Variants in SLC35F4 observed in about 807,000 individuals in gnomAD.
SLC35F4 encodes the protein solute carrier family 35 member F4, also known as chromosome 14 open reading frame 36.
SLC35F4 carries 24 observed loss-of-function variants against 44.2 expected under a neutral mutation model. That is an observed-to-expected ratio of 0.54 (90% CI 0.39 to 0.76). The LOEUF (loss-of-function observed/expected upper bound fraction) is 0.76, where lower values mean the gene tolerates loss of function less well. SLC35F4 is among the 30% of genes least tolerant of loss of function. The probability of loss-of-function intolerance (pLI) is 0.00; values close to 1 mark genes in which losing one functional copy is unlikely to be tolerated. For synonymous variants in SLC35F4, 238 were observed against 223.6 expected, an observed-to-expected ratio of 1.06 and a Z score of -0.57; for missense variants, 562 against 586.1, an observed-to-expected ratio of 0.96 and a Z score of 0.42.
intron 3 of SLC35F4, among the ~76,000 whole-genome samples, chr14:57,586,794 T>G (rs1032818705): frequency 8.6e-5 from 12 of 139,184 alleles, no homozygotes; most frequent in African/African-American, 3.2e-4. Flanking sequence ...AAAGCCATAA[T>G]TGACAGATGG....
In SLC35F4 at chr14:57,620,297, C is replaced by T. The variant is rs183879215; in HGVS notation, c.104-26173G>A. Among the ~76,000 whole-genome samples the T allele has an allele frequency of 5.2e-3, 793 of 152,242 alleles. 6 individuals carry two copies. The highest frequency in any genetic ancestry group is 0.018 in the African/African-American group (742 of 41,534). ...GTTAAGGGCAGCCAGAGAGAAAGGT[C>T]GGGTTACACACAAAGGGAAGCCCAT... is the stretch of plus-strand genomic sequence containing the variant. On this transcript the variant is annotated intron_variant, in intron 1 of 7. Coordinates refer to ENST00000556826, the MANE Select transcript of SLC35F4 (RefSeq NM_001306087.2).
At chr14:57,636,860 A>G (rs1173266798) in intron 1 of SLC35F4, among the ~76,000 whole-genome samples, 1 of 152,092 alleles carries the variant, frequency 6.6e-6, no homozygotes, top group Non-Finnish European at 1.5e-5. Context: ...TTTTTAATGA[A>G]CCACCTAGGC....
intron 1 of SLC35F4, among the ~76,000 whole-genome samples, chr14:57,716,295 C>T (rs958953377): frequency 6.7e-6 from 1 of 149,288 alleles, no homozygotes; most frequent in African/African-American, 2.5e-5. Flanking sequence ...CTCATTTTCA[C>T]TTTTTTTTTT....
At chr14:57,862,844 T>C (rs1252256919) in intron 1 of SLC35F4, among the ~76,000 whole-genome samples, 1 of 152,224 alleles carries the variant, frequency 6.6e-6, no homozygotes, top group Non-Finnish European at 1.5e-5. Flanking sequence ...TTTATGTACT[T>C]GTTTATTTCT....
chr14:57,732,261 G>C (rs1164619981), intron 1 of SLC35F4, among the ~76,000 whole-genome samples: 1 of 152,116 alleles, frequency 6.6e-6, no homozygotes, highest in Non-Finnish European at 1.5e-5. Flanking sequence ...TCTGTACTAT[G>C]CCCATGACTG....
At chr14:57,626,604 T>C (rs2072486239) in intron 1 of SLC35F4, among the ~76,000 whole-genome samples, 1 of 152,058 alleles carries the variant, frequency 6.6e-6, no homozygotes, top group Admixed American at 6.6e-5. Context: ...CAACAAGGAA[T>C]CCATGTCCCC....
At chr14:57,616,053 A>G (rs2071799475) in intron 1 of SLC35F4, among the ~76,000 whole-genome samples, 1 of 152,232 alleles carries the variant, frequency 6.6e-6, no homozygotes, top group Non-Finnish European at 1.5e-5. Context: ...ATGTTTTTAT[A>G]GTGACAAACT....
chr14:57,706,569 G>C (rs2075681878), intron 1 of SLC35F4, among the ~76,000 whole-genome samples: 2 of 152,158 alleles, frequency 1.3e-5, no homozygotes, highest in African/African-American at 4.8e-5. Context: ...GATGCTATTT[G>C]AGCATATAAC....
intron 1 of SLC35F4, among the ~76,000 whole-genome samples, chr14:57,659,236 C>T (rs981143550): frequency 2.0e-5 from 3 of 152,036 alleles, no homozygotes; most frequent in Admixed American, 2.0e-4. Flanking sequence ...TAGTTGGTCA[C>T]ATGTGAAAAG....
At chr14:57,866,979 A>G (rs1888182733), upstream of SLC35F4, among the ~76,000 whole-genome samples, 1 of 147,086 alleles carries the variant, frequency 6.8e-6, no homozygotes, top group African/African-American at 2.5e-5. Flanking sequence ...TAATAATAAT[A>G]ATAATAATAA....
Position 57,728,949 on chromosome 14 carries a change from T to G in SLC35F4, c.104-134825A>C, listed in dbSNP as rs1323819054. Among the ~76,000 whole-genome samples, 66 of 152,302 alleles carry G rather than the reference T, an allele frequency of 4.3e-4. 1 individual carries two copies. Among genetic ancestry groups the G allele is most frequent in the Admixed American group, 4.3e-3 (66 of 15,288 alleles). ...AGATACATTATTCTAGGGTAAAAGTTTTTTCCTTCAGCACTTTAAATATGT... is the reference window on the plus strand; with the variant it reads ...AGATACATTATTCTAGGGTAAAAGTGTTTTCCTTCAGCACTTTAAATATGT... On this transcript the variant is annotated intron_variant, in intron 1 of 7. Coordinates refer to ENST00000556826, the MANE Select transcript of SLC35F4 (RefSeq NM_001306087.2).
chr14:57,630,362 C>T (rs2072708307), intron 1 of SLC35F4: 2 of 610,860 alleles, frequency 3.3e-6, no homozygotes, highest in South Asian at 3.3e-5. Flanking sequence ...GAAGACCACA[C>T]ATAGCAGAAG....
At chr14:57,784,119 T>C (rs2077697692) in intron 1 of SLC35F4, among the ~76,000 whole-genome samples, 1 of 152,138 alleles carries the variant, frequency 6.6e-6, no homozygotes. Context: ...TTTCAAGATG[T>C]GTGTATTGGA....
intron 1 of SLC35F4, among the ~76,000 whole-genome samples, chr14:57,937,615 GAAAA>G (rs1566505716): frequency 1.2e-4 from 12 of 101,230 alleles, no homozygotes; most frequent in Non-Finnish European, 2.2e-4. Flanking sequence ...GAAAAGAAAA[GAAAA>G]GAAAAGAAAA....
intron 1 of SLC35F4, among the ~76,000 whole-genome samples, chr14:57,762,119 G>A (rs1440640648): frequency 1.3e-5 from 2 of 152,044 alleles, no homozygotes; most frequent in Admixed American, 1.3e-4. Flanking sequence ...CAAAGTCTTG[G>A]GCAAGAGCAT....
At chr14:57,606,831 T>G (rs1293576279) in intron 1 of SLC35F4, among the ~76,000 whole-genome samples, 1 of 152,212 alleles carries the variant, frequency 6.6e-6, no homozygotes, top group Non-Finnish European at 1.5e-5. Flanking sequence ...TAAGGCAGTC[T>G]CATAATCCAT....
intron 1 of SLC35F4, among the ~76,000 whole-genome samples, chr14:57,815,179 C>G (rs1882423389): frequency 6.6e-6 from 1 of 152,084 alleles, no homozygotes. Flanking sequence ...AGAATAACAC[C>G]AAAAGTCACG....
chr14:57,762,592 A>C lies in SLC35F4; in HGVS notation c.103+103131T>G, dbSNP rs373205982. Among the ~76,000 whole-genome samples the C allele has an allele frequency of 6.6e-5, 10 of 152,258 alleles. No homozygotes were observed. In the East Asian group the frequency reaches 1.2e-3, roughly 18 times the overall value. Reference sequence around the variant, plus strand: ...AATTGCCATTGTGACAGTATTTAGAAGTGGGAACTTTAAGAAATGATTAGG... The same window carrying C: ...AATTGCCATTGTGACAGTATTTAGACGTGGGAACTTTAAGAAATGATTAGG... On this transcript the variant is annotated intron_variant, in intron 1 of 7. Coordinates refer to ENST00000556826, the MANE Select transcript of SLC35F4 (RefSeq NM_001306087.2).
chr14:57,629,157 C>T (rs1007308288), intron 1 of SLC35F4, among the ~76,000 whole-genome samples: 2 of 152,092 alleles, frequency 1.3e-5, no homozygotes, highest in Admixed American at 6.6e-5. Flanking sequence ...TTTTGAGTCT[C>T]CTGTTCTGTA....
Sources: gnomAD v4.1 joint callset for allele counts (sites outside exome capture counted in the v4.1 genomes callset) on GRCh38, gnomAD v4.1.1 for gene constraint, MANE v1.5 for transcripts, NCBI Gene and HGNC (gene_info 2026-07-23, HGNC 2026-07-21) for gene names.